The following SMIM14 variants were observed in gnomAD, a reference collection of about 807,000 sequenced individuals.
The protein encoded by SMIM14 is chromosome 4 open reading frame 34.
A neutral mutation model predicts 12.6 loss-of-function variants in SMIM14; 5 were observed. The observed-to-expected ratio is 0.40, with a 90% CI of 0.21 to 0.83. SMIM14 has a LOEUF of 0.83. Among genes scored for constraint, SMIM14 ranks in the 40% least tolerant of loss-of-function variants. SMIM14 has a pLI of 0.37. For synonymous variants in SMIM14, 30 were observed against 40.1 expected (o/e 0.75, Z 0.95); for missense variants, 86 against 119.1 (o/e 0.72, Z 1.29).
intron 2 of SMIM14, among the ~76,000 whole-genome samples, chr4:39,603,140 A>T (rs59322090): frequency 2.3e-3 from 343 of 152,328 alleles, no homozygotes; most frequent in African/African-American, 7.8e-3. Flanking sequence ...ATGCAAAAAA[A>T]ATCCAAAACA....
chr4:39,573,078 T>A (rs929102926), intron 2 of SMIM14, among the ~76,000 whole-genome samples: 12 of 149,998 alleles, frequency 8.0e-5, no homozygotes, highest in African/African-American at 2.5e-4. Flanking sequence ...TGTTTTGGTT[T>A]TTATTATTAT....
chr4:39,602,194 C>A (rs747168875), intron 2 of SMIM14, among the ~76,000 whole-genome samples: 3 of 149,758 alleles, frequency 2.0e-5, no homozygotes, highest in Admixed American at 1.3e-4. Flanking sequence ...GGTTGCAGTG[C>A]GCAGAGATCG....
intron 1 of SMIM14, among the ~76,000 whole-genome samples, chr4:39,631,396 T>C (rs888310126): frequency 5.0e-4 from 75 of 151,256 alleles, no homozygotes; most frequent in Non-Finnish European, 6.8e-4. Flanking sequence ...CAGTGGCTCA[T>C]GCCTATAATC....
rs186915481 is a variant in SMIM14, at chr4:39,577,342, G to C, written c.76-4879C>G. Reference sequence around the variant, plus strand: ...TAAGTGTTTCTCCTAGGTAAAGGGAGCCAGAAAAGCAGGAGTCAAATTATG... The same window carrying C: ...TAAGTGTTTCTCCTAGGTAAAGGGACCCAGAAAAGCAGGAGTCAAATTATG... On this transcript the variant is annotated intron_variant, in intron 2 of 4. Transcript: ENST00000295958. Among the ~76,000 whole-genome samples the C allele has an allele frequency of 8.5e-5, 13 of 152,166 alleles. No homozygotes were observed. The East Asian group carries it at 1.9e-3, about 23-fold the overall frequency.
intron 2 of SMIM14, among the ~76,000 whole-genome samples, chr4:39,590,440 TAGA>T (rs1259842175): frequency 1.3e-5 from 2 of 151,680 alleles, no homozygotes; most frequent in Non-Finnish European, 2.9e-5. Context: ...GATTCATGAT[TAGA>T]CGGGGATTTT....
At chr4:39,553,958 A>AT (rs566555160) in intron 4 of SMIM14, among the ~76,000 whole-genome samples, 1 of 151,760 alleles carries the variant, frequency 6.6e-6, no homozygotes, top group South Asian at 2.1e-4. Context: ...TTTCGTTTTG[A>AT]TTTTTTTTCT....
chr4:39,606,570 G>A (rs1368444310), intron 1 of SMIM14, among the ~76,000 whole-genome samples: 1 of 151,518 alleles, frequency 6.6e-6, no homozygotes, highest in Non-Finnish European at 1.5e-5. Flanking sequence ...GAATCCGGGA[G>A]GCAGATGTTG....
intron 2 of SMIM14, among the ~76,000 whole-genome samples, chr4:39,590,398 A>G (rs1714005229): frequency 1.3e-5 from 2 of 150,736 alleles, no homozygotes; most frequent in African/African-American, 4.9e-5. Context: ...GAGCAACAAG[A>G]GCAAAACTCT....
intron 3 of SMIM14, among the ~76,000 whole-genome samples, chr4:39,557,244 T>C (rs940660803): frequency 6.6e-6 from 1 of 152,094 alleles, no homozygotes; most frequent in African/African-American, 2.4e-5. Context: ...ACTCCTGACC[T>C]CAGGTGATCC....
intron 2 of SMIM14, among the ~76,000 whole-genome samples, chr4:39,583,624 A>C (rs1051460459): frequency 6.6e-6 from 1 of 152,132 alleles, no homozygotes; most frequent in Non-Finnish European, 1.5e-5. Context: ...TGGATAAAGC[A>C]GTGAACAAAA....
intron 2 of SMIM14, among the ~76,000 whole-genome samples, chr4:39,591,736 A>C (rs1172349141): frequency 6.6e-6 from 1 of 151,866 alleles, no homozygotes; most frequent in African/African-American, 2.4e-5. Flanking sequence ...TTGTATTTTT[A>C]GTAGAGACTA....
At chr4:39,629,866 A>T (rs1447974711) in intron 1 of SMIM14, among the ~76,000 whole-genome samples, 2 of 151,986 alleles carry the variant, frequency 1.3e-5, no homozygotes, top group Non-Finnish European at 2.9e-5. Flanking sequence ...GGCTCAGGTG[A>T]TCTCCCCACC....
chr4:39,609,725 C>A (rs1291229893), intron 1 of SMIM14, among the ~76,000 whole-genome samples: 1 of 152,158 alleles, frequency 6.6e-6, no homozygotes, highest in African/African-American at 2.4e-5. Flanking sequence ...CAATGTGAAG[C>A]AATGTGCTTT....
chr4:39,620,302 AC>A (rs1163042476), intron 1 of SMIM14, among the ~76,000 whole-genome samples: 1 of 151,986 alleles, frequency 6.6e-6, no homozygotes, highest in African/African-American at 2.4e-5. Context: ...ACACGCTGAA[AC>A]CCCGTCTCTA....
intron 3 of SMIM14, among the ~76,000 whole-genome samples, chr4:39,557,826 A>C (rs1712097768): frequency 6.6e-6 from 1 of 152,238 alleles, no homozygotes; most frequent in Non-Finnish European, 1.5e-5. Context: ...ATCATGAAAA[A>C]GAAAGGGGAC....
chr4:39,573,099 ATTT>A (rs1291943150), intron 2 of SMIM14, among the ~76,000 whole-genome samples: 1 of 144,678 alleles, frequency 6.9e-6, no homozygotes, highest in Non-Finnish European at 1.5e-5. Flanking sequence ...TATTATTATT[ATTT>A]TATTATTATT....
chr4:39,632,473 C>T lies in SMIM14; in HGVS notation c.-36+6266G>A, dbSNP rs981583558. ...CCAGCCTACTGACAGAGCGAGACTC[C>T]GTCTCAAAAAAAAAAAAAAAAAAAA... On this transcript the variant is annotated intron_variant, in intron 1 of 4. Transcript: ENST00000295958. 9.3e-5 allele frequency among the ~76,000 whole-genome samples: 11 copies of T among 118,248 alleles called. No homozygotes were observed. In the South Asian group the frequency reaches 2.6e-3, roughly 28 times the overall value. 77.6% of individuals were successfully genotyped at this position (118,248 alleles called of 152,430 possible). A position where few individuals can be genotyped will look rare whatever the true frequency, so the allele number is the denominator to read the frequency against.
chr4:39,581,518 C>CTTTTTTTTT (rs1432369898), intron 2 of SMIM14, among the ~76,000 whole-genome samples: 12,026 of 130,714 alleles, frequency 0.092, 723 homozygotes, highest in South Asian at 0.22. Flanking sequence ...TTTTCTTTTT[C>CTTTTTTTTT]TTTTTTTTTT....
chr4:39,559,637 T>C (rs1712192581), intron 3 of SMIM14, among the ~76,000 whole-genome samples: 7 of 152,184 alleles, frequency 4.6e-5, no homozygotes, highest in Admixed American at 4.6e-4. Flanking sequence ...TTGGTGGCAC[T>C]GCTGAGGCCA....
Sources: allele counts gnomAD v4.1 joint callset (sites outside exome capture counted in the v4.1 genomes callset), GRCh38; gene constraint gnomAD v4.1.1; transcripts MANE v1.5; gene names NCBI Gene and HGNC (gene_info 2026-07-23, HGNC 2026-07-21).